PRMT8: variants seen among roughly 807,000 people sequenced by gnomAD.
The protein encoded by PRMT8 is protein arginine N-methyltransferase 8.
In PRMT8, 7 loss-of-function variants were observed where a neutral mutation model predicts 47.1. The ratio of observed to expected loss-of-function variants is 0.15; its 90% CI spans 0.08 to 0.28. The LOEUF (loss-of-function observed/expected upper bound fraction) is 0.28, where lower values mean the gene tolerates loss of function less well. Ranked by LOEUF, PRMT8 falls within the 10% of genes least tolerant of loss-of-function variation. The probability of loss-of-function intolerance (pLI) is 1.00; values close to 1 mark genes in which losing one functional copy is unlikely to be tolerated. For synonymous variants in PRMT8, 188 were observed against 186.5 expected (o/e 1.01, Z -0.07); for missense variants, 237 against 505.4 (o/e 0.47, Z 5.09).
At chr12:3,517,226 G>T (rs1865807873) in intron 1 of PRMT8, among the ~76,000 whole-genome samples, 1 of 152,156 alleles carries the variant, frequency 6.6e-6, no homozygotes, top group African/African-American at 2.4e-5. Context: ...GTCATTAAAA[G>T]TCTCACTTTC....
intron 1 of PRMT8, among the ~76,000 whole-genome samples, chr12:3,402,921 G>C (rs564108748): frequency 4.3e-4 from 66 of 152,308 alleles, no homozygotes; most frequent in African/African-American, 1.5e-3. Flanking sequence ...ATTTCTCAAA[G>C]ACCTAGAGGC....
rs202113481 is a variant in PRMT8 at position 3,540,628 on chromosome 12, C to G, written c.98C>G (p.Pro33Arg). 1.3e-5 allele frequency: 19 copies of G among 1,485,902 alleles called. No homozygotes were observed. Among genetic ancestry groups the G allele is most frequent in the Admixed American group, 3.5e-5 (2 of 56,422 alleles). The allele number at this position is 1,485,902 out of a possible 1,614,324, so 92.0% of individuals were successfully genotyped here. ...CAGGTGAACAGCCCCCCCTCCCAGC[C>G]CCCCCAGCCCGTCGTCCCTGCTAAG... ...STEVNSPPSQ[P>R]PQPVVPAKPV... Residue 33 changes from proline to arginine, a missense_variant, in exon 2 of 10, where the codon CCC becomes CGC. Pro to Arg is a moderately radical substitution (Grantham distance 103, BLOSUM62 -2). Coordinates refer to ENST00000382622, the MANE Select transcript of PRMT8 (RefSeq NM_019854.5).
upstream of PRMT8, among the ~76,000 whole-genome samples, chr12:3,486,838 C>A (rs75468658): frequency 1.3e-3 from 200 of 152,328 alleles, 2 homozygotes; most frequent in African/African-American, 4.6e-3. Flanking sequence ...CACAAAACCG[C>A]AGTGAATTGA....
chr12:3,389,502 A>G (rs1005357245), intron 1 of PRMT8, among the ~76,000 whole-genome samples: 2 of 152,034 alleles, frequency 1.3e-5, no homozygotes, highest in African/African-American at 2.4e-5. Context: ...TTCATTCTTC[A>G]ATAGCATTTG....
chr12:3,437,243 T>A (rs1251654174), intron 1 of PRMT8, among the ~76,000 whole-genome samples: 4 of 152,078 alleles, frequency 2.6e-5, no homozygotes, highest in African/African-American at 9.7e-5. Context: ...TTTTTCCCCC[T>A]CAACCATATG....
At chr12:3,525,122 T>A (rs1195263699) in intron 1 of PRMT8, among the ~76,000 whole-genome samples, 1 of 152,162 alleles carries the variant, frequency 6.6e-6, no homozygotes, top group African/African-American at 2.4e-5. Flanking sequence ...CTTAGGGGAC[T>A]GAGGCATGAG....
At chr12:3,398,130 C>T (rs936277754) in intron 1 of PRMT8, among the ~76,000 whole-genome samples, 8 of 152,326 alleles carry the variant, frequency 5.3e-5, no homozygotes, top group African/African-American at 9.6e-5. Flanking sequence ...GAGATGAACC[C>T]GGTACCTCAG....
intron 1 of PRMT8, among the ~76,000 whole-genome samples, 190 bp downstream of exon 1, chr12:3,491,890 T>TGTGTGTGTG (rs1865415257): frequency 1.0e-4 from 1 of 9,720 alleles, no homozygotes; most frequent in African/African-American, 4.4e-4. Context: ...GTGTGTGTGT[T>TGTGTGTGTG]GGTGGGGGGT....
At chr12:3,425,304 T>C (rs1349234629) in intron 1 of PRMT8, among the ~76,000 whole-genome samples, 3 of 152,260 alleles carry the variant, frequency 2.0e-5, no homozygotes, top group Middle Eastern at 3.2e-3. Context: ...AGAGTTAGCT[T>C]ATCCGCTTCT....
intron 1 of PRMT8, among the ~76,000 whole-genome samples, chr12:3,410,197 T>C (rs865891059): frequency 2.6e-5 from 4 of 152,250 alleles, no homozygotes; most frequent in African/African-American, 7.2e-5. Flanking sequence ...GGCAAACTTA[T>C]TGAGGCAAAA....
At chr12:3,473,203 C>G (rs1865177146) in intron 1 of PRMT8, among the ~76,000 whole-genome samples, 1 of 152,156 alleles carries the variant, frequency 6.6e-6, no homozygotes, top group African/African-American at 2.4e-5. Context: ...CCCTCACAAT[C>G]TGACTTTCAC....
At chr12:3,395,743 C>G (rs959004256) in intron 1 of PRMT8, among the ~76,000 whole-genome samples, 8 of 149,494 alleles carry the variant, frequency 5.4e-5, no homozygotes, top group African/African-American at 2.0e-4. Context: ...TGGTGCAGAG[C>G]TGAGTTCAAT....
At chr12:3,484,052 C>G (rs567414670) in intron 1 of PRMT8, among the ~76,000 whole-genome samples, 1 of 152,202 alleles carries the variant, frequency 6.6e-6, no homozygotes, top group Non-Finnish European at 1.5e-5. Context: ...AAACTAGAGC[C>G]CAGTGCTGGA....
intron 1 of PRMT8, among the ~76,000 whole-genome samples, chr12:3,424,847 T>A (rs1864584903): frequency 6.6e-6 from 1 of 152,220 alleles, no homozygotes; most frequent in African/African-American, 2.4e-5. Context: ...TCAGTTGAAG[T>A]CCTTACTGTA....
At chr12:3,507,475 A>G (rs1229397601) in intron 1 of PRMT8, among the ~76,000 whole-genome samples, 1 of 152,062 alleles carries the variant, frequency 6.6e-6, no homozygotes, top group Admixed American at 6.5e-5. Context: ...TATAATTCCC[A>G]TAGTCACATT....
At chr12:3,496,214 ATTTTTT>A (rs1555085718) in intron 1 of PRMT8, among the ~76,000 whole-genome samples, 584 of 27,790 alleles carry the variant, frequency 0.021, 43 homozygotes, top group African/African-American at 0.042. Flanking sequence ...ATATATATAT[ATTTTTT>A]TTTTTTTTTT....
chr12:3,437,636 ATATAT>A (rs1266080023), intron 1 of PRMT8, among the ~76,000 whole-genome samples: 11 of 150,428 alleles, frequency 7.3e-5, no homozygotes, highest in Non-Finnish European at 1.0e-4. Context: ...ATATATATAT[ATATAT>A]ATATATATAT....
intron 1 of PRMT8, among the ~76,000 whole-genome samples, chr12:3,462,178 A>C (rs1865049517): frequency 1.3e-5 from 2 of 152,046 alleles, no homozygotes; most frequent in African/African-American, 2.4e-5. Context: ...TTTGCTAAGG[A>C]TGATAACCTC....
At chr12:3,530,452 A>G (rs1866012554) in intron 1 of PRMT8, among the ~76,000 whole-genome samples, 1 of 152,190 alleles carries the variant, frequency 6.6e-6, no homozygotes, top group South Asian at 2.1e-4. Context: ...TCAGGAGACA[A>G]TTTGCCAGCA....
Sources: allele counts gnomAD v4.1 joint callset (sites outside exome capture counted in the v4.1 genomes callset), GRCh38; gene constraint gnomAD v4.1.1; transcripts MANE v1.5; gene names NCBI Gene and HGNC (gene_info 2026-07-23, HGNC 2026-07-21).